The following TTC13 variants were observed in gnomAD, a reference collection of about 807,000 sequenced individuals.
TTC13 encodes the protein tetratricopeptide repeat protein 13.
Under a neutral mutation model 120.0 loss-of-function variants are expected in TTC13, and 62 were observed. The ratio of observed to expected loss-of-function variants is 0.52; its 90% CI spans 0.42 to 0.64. The LOEUF (loss-of-function observed/expected upper bound fraction) is 0.64, where lower values mean the gene tolerates loss of function less well. Among genes scored for constraint, TTC13 ranks in the 30% least tolerant of loss-of-function variants. The pLI, the probability that TTC13 is intolerant of heterozygous loss-of-function variation, is 0.00. For synonymous variants in TTC13, 384 were observed against 393.5 expected, an observed-to-expected ratio of 0.98 and a Z score of 0.28; for missense variants, 824 against 1,050.2, an observed-to-expected ratio of 0.78 and a Z score of 2.98.
At chr1:230,955,860 T>G (rs1272309002) in intron 3 of TTC13, among the ~76,000 whole-genome samples, 1 of 152,074 alleles carries the variant, frequency 6.6e-6, no homozygotes, top group Non-Finnish European at 1.5e-5. Context: ...AAAGATAAAT[T>G]AAGCCCAAAT....
chr1:230,910,515 A>T (rs969328401), intron 20 of TTC13, among the ~76,000 whole-genome samples: 1 of 152,230 alleles, frequency 6.6e-6, no homozygotes, highest in African/African-American at 2.4e-5. Context: ...TGTGGGAGGC[A>T]GAATCAACAG....
intron 4 of TTC13, among the ~76,000 whole-genome samples, chr1:230,949,134 C>T (rs1675290156): frequency 6.6e-6 from 1 of 151,942 alleles, no homozygotes; most frequent in South Asian, 2.1e-4. Context: ...ATTCTTGCCA[C>T]ATACTAGGAA....
At chr1:230,948,329 T>A (rs1293793468) in intron 4 of TTC13, among the ~76,000 whole-genome samples, 1 of 141,398 alleles carries the variant, frequency 7.1e-6, no homozygotes, top group African/African-American at 2.6e-5. Context: ...ATATTTCACT[T>A]AAAAAAAAAA....
intron 4 of TTC13, among the ~76,000 whole-genome samples, chr1:230,951,426 T>G (rs4846885): frequency 0.88 from 133,177 of 152,040 alleles, 58,325 homozygotes; most frequent in East Asian, 0.98. Context: ...AAACCAAAAA[T>G]TCTGTACATG....
At chr1:230,917,469 T>C (rs559310729) in intron 17 of TTC13, among the ~76,000 whole-genome samples, 3 of 152,192 alleles carry the variant, frequency 2.0e-5, no homozygotes, top group East Asian at 1.9e-4. Context: ...AACAGTACCA[T>C]TGTGCCTTTC....
At chr1:230,947,686 C>T (rs1447178926) in intron 4 of TTC13, among the ~76,000 whole-genome samples, 1 of 152,130 alleles carries the variant, frequency 6.6e-6, no homozygotes, top group African/African-American at 2.4e-5. Flanking sequence ...TAACATACAT[C>T]TCCAGGAAGA....
intron 17 of TTC13, among the ~76,000 whole-genome samples, chr1:230,918,067 T>C (rs1212544609): frequency 6.6e-6 from 1 of 152,244 alleles, no homozygotes; most frequent in Admixed American, 6.5e-5. Context: ...TGTATGATTT[T>C]CTAATGTCCC....
chr1:230,920,686 C>G, intron 16 of TTC13, 92 bp from the exon 17 acceptor site: 6 of 781,242 alleles, frequency 7.7e-6, no homozygotes, highest in Non-Finnish European at 1.1e-5. Flanking sequence ...ATAAATTGAC[C>G]TCAATTTTGA....
Position 230,940,810 on chromosome 1 carries a change from G to C in TTC13, c.673-254C>G, listed in dbSNP as rs943143533. ...CTGCCTTGTCACTATTTCACATTCT[G>C]GGTTGTATCAGATGTTGCTTTTCCT... is the stretch of plus-strand genomic sequence containing the variant. On this transcript the variant is annotated intron_variant, in intron 6 of 22. Transcript: ENST00000366661. This position sits in a 1 kb window ranked among gnomAD's most constrained non-coding sequence, Gnocchi z 4.1. Among the ~76,000 whole-genome samples the C allele has an allele frequency of 6.6e-6, 1 of 152,090 alleles. No homozygotes were observed. Among genetic ancestry groups the C allele is most frequent in the Admixed American group, 6.5e-5 (1 of 15,274 alleles).
chr1:230,952,806 T>A (rs1186023702), intron 4 of TTC13, among the ~76,000 whole-genome samples: 1 of 152,146 alleles, frequency 6.6e-6, no homozygotes, highest in Non-Finnish European at 1.5e-5. Flanking sequence ...ATAAAACAAA[T>A]GCATACTTTG....
chr1:230,910,646 C>G (rs1671407595), intron 20 of TTC13, among the ~76,000 whole-genome samples: 1 of 152,244 alleles, frequency 6.6e-6, no homozygotes, highest in South Asian at 2.1e-4. Context: ...CGGATGCTGG[C>G]TGTTGAGTAC....
rs370640280 is a variant in TTC13 at position 230,969,118 on chromosome 1, C to T, written c.272-7815G>A. On this transcript the variant is annotated intron_variant, in intron 1 of 22. Transcript: ENST00000366661. Reference sequence around the variant, plus strand: ...TCTACTAAAAATACAAAAACCTAGCCGGGTGCAGTGGCAGGCGCCTGTAGT... The same window carrying T: ...TCTACTAAAAATACAAAAACCTAGCTGGGTGCAGTGGCAGGCGCCTGTAGT... 4.7e-5 allele frequency among the ~76,000 whole-genome samples: 7 copies of T among 150,344 alleles called. No homozygotes were observed. In the South Asian group the frequency reaches 8.6e-4, roughly 18 times the overall value.
chr1:230,909,969 G>A (rs538699856), intron 20 of TTC13, among the ~76,000 whole-genome samples: 5 of 152,324 alleles, frequency 3.3e-5, no homozygotes, highest in African/African-American at 1.2e-4. Context: ...CTGGTTTTGG[G>A]TGGAAGGGGC....
At chr1:230,914,347 G>A (rs1671804337) in intron 18 of TTC13, among the ~76,000 whole-genome samples, 1 of 151,908 alleles carries the variant, frequency 6.6e-6, no homozygotes, top group African/African-American at 2.4e-5. Context: ...ACCTTTATGA[G>A]GATCCACTTC....
rs540520221 is a variant in TTC13 at position 230,978,734 on chromosome 1, C to CCAGCAG, written c.91_96dup (p.Leu31_Leu32dup). 1.5e-3 allele frequency: 2,231 copies of CCAGCAG among 1,465,316 alleles called. 27 individuals are homozygous for CCAGCAG. In the African/African-American group the frequency reaches 0.024, roughly 16 times the overall value. The allele number at this position is 1,465,316 out of a possible 1,614,324, so 90.8% of individuals were successfully genotyped here. A position where few individuals can be genotyped will look rare whatever the true frequency, so the allele number is the denominator to read the frequency against. On this transcript the variant is annotated inframe_insertion, in exon 1 of 23. Transcript: ENST00000366661. This position sits in a 1 kb window ranked among gnomAD's most constrained non-coding sequence, Gnocchi z 5.6. ...GGCCGCAGCCCGGCGGACAGGACCC[C>CCAGCAG]CAGCAGCAGCAGCAGCAGGACACGC... is the stretch of plus-strand genomic sequence containing the variant.
In TTC13 at chr1:230,944,064, A is replaced by G. The variant is rs956147612; in HGVS notation, c.580-166T>C. On this transcript the variant is annotated intron_variant, in intron 5 of 22. Coordinates refer to ENST00000366661, the MANE Select transcript of TTC13 (RefSeq NM_024525.5). The surrounding 1 kb of genome is among the most constrained non-coding windows in gnomAD (Gnocchi z 4.0). ...TGTGCCATGTCAAATCAGTCATGAT[A>G]TTATAATTATTTAACTCACTCAAGT... Among the ~76,000 whole-genome samples the G allele has an allele frequency of 1.3e-5, 2 of 152,258 alleles. No homozygotes were observed. The highest frequency in any genetic ancestry group is 2.4e-5 in the African/African-American group (1 of 41,468).
chr1:230,931,219 A>C, intron 11 of TTC13, 79 bp downstream of exon 11: 2 of 1,494,840 alleles, frequency 1.3e-6, no homozygotes, highest in Non-Finnish European at 1.8e-6. Flanking sequence ...GTTTCATACG[A>C]AACATAAAAG....
At chr1:230,949,693 T>C (rs1675361530) in intron 4 of TTC13, among the ~76,000 whole-genome samples, 1 of 152,276 alleles carries the variant, frequency 6.6e-6, no homozygotes, top group South Asian at 2.1e-4. Context: ...TCGCCCAGGC[T>C]GGACTGCAGT....
chr1:230,958,039 C>CTT (rs59207624), intron 3 of TTC13, among the ~76,000 whole-genome samples, 185 bp downstream of exon 3: 1 of 150,724 alleles, frequency 6.6e-6, no homozygotes, highest in East Asian at 1.9e-4. Context: ...CCATCCAAAC[C>CTT]TTTTTTTTTT....
Sources: allele counts gnomAD v4.1 joint callset (sites outside exome capture counted in the v4.1 genomes callset), GRCh38; gene constraint gnomAD v4.1.1; non-coding constraint Gnocchi (gnomAD v3.1); transcripts MANE v1.5; gene names NCBI Gene and HGNC (gene_info 2026-07-23, HGNC 2026-07-21).